Variants in FBXO11 observed in about 807,000 individuals in gnomAD.
The protein encoded by FBXO11 is F-box only protein 11.
In FBXO11, 13 loss-of-function variants were observed where a neutral mutation model predicts 117.0. The ratio of observed to expected loss-of-function variants is 0.11; its 90% CI spans 0.07 to 0.18. FBXO11 has a LOEUF of 0.18. FBXO11 is among the 10% of genes least tolerant of loss of function. The pLI, the probability that FBXO11 is intolerant of heterozygous loss-of-function variation, is 1.00. For synonymous variants in FBXO11, 490 were observed against 380.5 expected, an observed-to-expected ratio of 1.29 and a Z score of -3.35; for missense variants, 767 against 1,164.4, an observed-to-expected ratio of 0.66 and a Z score of 4.97.
intron 11 of FBXO11, among the ~76,000 whole-genome samples, chr2:47,827,283 A>C (rs955767820): frequency 6.6e-6 from 1 of 152,156 alleles, no homozygotes; most frequent in Non-Finnish European, 1.5e-5. Context: ...GATTCAGTTA[A>C]TGTAATTTTG....
At chr2:47,868,282 C>CAA (rs371849610) in intron 1 of FBXO11, among the ~76,000 whole-genome samples, 1,197 of 80,422 alleles carry the variant, frequency 0.015, 15 homozygotes, top group Middle Eastern at 0.028. Flanking sequence ...ACTCTACCTC[C>CAA]AAAAAAAAAA....
chr2:47,879,085 G>A (rs761889309), intron 1 of FBXO11, among the ~76,000 whole-genome samples: 20 of 152,082 alleles, frequency 1.3e-4, no homozygotes, highest in Non-Finnish European at 2.4e-4. Context: ...GTTTGTGAGT[G>A]TAAAAAAAAT....
intron 18 of FBXO11, among the ~76,000 whole-genome samples, chr2:47,812,633 T>C (rs1036859294): frequency 6.6e-6 from 1 of 152,234 alleles, no homozygotes; most frequent in African/African-American, 2.4e-5. Flanking sequence ...AGCTATTCTA[T>C]GTAAGATATG....
At chr2:47,904,581 AACACACACACACACACACAC>A (rs112758707) in intron 1 of FBXO11, among the ~76,000 whole-genome samples, 159 of 147,688 alleles carry the variant, frequency 1.1e-3, no homozygotes, top group Non-Finnish European at 1.7e-3. Flanking sequence ...CGCGCGCGCA[AACACACACACACACACACAC>A]ACACACACAC....
At chr2:47,901,303 T>C (rs1678284762) in intron 1 of FBXO11, among the ~76,000 whole-genome samples, 1 of 151,586 alleles carries the variant, frequency 6.6e-6, no homozygotes, top group Admixed American at 6.6e-5. Flanking sequence ...AATCTATTAA[T>C]GCATTCATTA....
chr2:47,844,809 G>T (rs1417812411), intron 1 of FBXO11, among the ~76,000 whole-genome samples: 2 of 152,058 alleles, frequency 1.3e-5, no homozygotes, highest in East Asian at 3.9e-4. Context: ...GCTAATTTTT[G>T]TATTTCTGTA....
chr2:47,848,185 T>G (rs1192078700), intron 1 of FBXO11, among the ~76,000 whole-genome samples: 1 of 151,528 alleles, frequency 6.6e-6, no homozygotes, highest in Admixed American at 6.6e-5. Context: ...TATCTTTCAC[T>G]AAACCTTTAT....
chr2:47,860,883 G>A (rs1674717584), intron 1 of FBXO11, among the ~76,000 whole-genome samples: 2 of 125,398 alleles, frequency 1.6e-5, no homozygotes, highest in Admixed American at 9.8e-5. Flanking sequence ...TTTCACTCTC[G>A]TTGCCCAGGC....
intron 1 of FBXO11, among the ~76,000 whole-genome samples, chr2:47,884,182 G>A (rs1676644382): frequency 6.6e-6 from 1 of 152,168 alleles, no homozygotes; most frequent in Non-Finnish European, 1.5e-5. Context: ...TTGTGCCATT[G>A]CACTCCAGCC....
intron 1 of FBXO11, among the ~76,000 whole-genome samples, chr2:47,892,778 A>C (rs1048773778): frequency 6.6e-6 from 1 of 152,226 alleles, no homozygotes; most frequent in African/African-American, 2.4e-5. Context: ...AGCCAAAACA[A>C]TGAATATAAT....
At chr2:47,892,976 A>C (rs1482183696) in intron 1 of FBXO11, among the ~76,000 whole-genome samples, 1 of 152,080 alleles carries the variant, frequency 6.6e-6, no homozygotes, top group Non-Finnish European at 1.5e-5. Flanking sequence ...CACATGGTGA[A>C]ACCCTGTCTC....
At chr2:47,852,626 CTT>C (rs1446907819) in intron 1 of FBXO11, among the ~76,000 whole-genome samples, 1 of 152,072 alleles carries the variant, frequency 6.6e-6, no homozygotes, top group African/African-American at 2.4e-5. Flanking sequence ...ATTTGGGTGT[CTT>C]TTAAAACTTT....
At chr2:47,833,279 A>G (rs370106432) in intron 7 of FBXO11, among the ~76,000 whole-genome samples, 91 of 152,364 alleles carry the variant, frequency 6.0e-4, no homozygotes, top group African/African-American at 2.1e-3. Context: ...AATACTATGA[A>G]TATAAAATGC....
chr2:47,820,344 C>G lies in FBXO11; in HGVS notation c.1797+18G>C, dbSNP rs1381754735. The G allele has an allele frequency of 6.3e-7, 1 of 1,599,704 alleles. No individual in the cohort carries two copies. The highest frequency in any genetic ancestry group is 1.7e-5 in the Admixed American group (1 of 59,950). ...TTTTGATGCATGAGTTTATAGGGAA[C>G]TATATACATTAACTTACCACATAAA... On this transcript the variant is annotated intron_variant, in intron 14 of 22. Coordinates refer to ENST00000403359, the MANE Select transcript of FBXO11 (RefSeq NM_001190274.2).
chr2:47,899,570 A>G (rs1211472634), intron 1 of FBXO11, among the ~76,000 whole-genome samples: 1 of 152,202 alleles, frequency 6.6e-6, no homozygotes, highest in African/African-American at 2.4e-5. Context: ...TTAAATAACT[A>G]ATCAGATGTG....
intron 1 of FBXO11, among the ~76,000 whole-genome samples, chr2:47,868,411 C>T (rs963413516): frequency 6.6e-6 from 1 of 151,944 alleles, no homozygotes; most frequent in Non-Finnish European, 1.5e-5. Flanking sequence ...TTTTAACATT[C>T]ACTGTCATGA....
Position 47,834,730 on chromosome 2 carries a change from G to A in FBXO11, c.802-19C>T, listed in dbSNP as rs754540816. On this transcript the variant is annotated intron_variant, in intron 6 of 22. Coordinates refer to ENST00000403359, the MANE Select transcript of FBXO11 (RefSeq NM_001190274.2). ...CATAATACTAGAAAAAAATAAATGT[G>A]TCAGTACAGAACTGAAAGATTACCA... 6.2e-6 allele frequency: 10 copies of A among 1,608,220 alleles called. No homozygotes were observed. Among genetic ancestry groups the A allele is most frequent in the Non-Finnish European group, 8.5e-6 (10 of 1,178,022 alleles).
intron 1 of FBXO11, among the ~76,000 whole-genome samples, chr2:47,845,899 AC>A (rs1191665976): frequency 1.3e-5 from 2 of 151,726 alleles, no homozygotes; most frequent in African/African-American, 4.8e-5. Flanking sequence ...AAAAAAAAAA[AC>A]CAAACAAGAA....
At position 47,860,749 on chromosome 2, in the gene FBXO11, C is replaced by A. The variant is rs532760991; in HGVS notation, c.233-20980G>T. Among the ~76,000 whole-genome samples, 33 of 149,776 alleles carry A rather than the reference C, an allele frequency of 2.2e-4. 1 individual carries two copies. The highest frequency in any genetic ancestry group is 8.1e-4 in the African/African-American group (33 of 40,596). On this transcript the variant is annotated intron_variant, in intron 1 of 22. Transcript: ENST00000403359. The stretch of plus-strand genomic sequence containing the variant: ...TAAGGCTAATCAAAACTTTTCCCTG[C>A]AGGAGAGAGAGAGAAAGAAAGTCAA...
Sources: allele counts gnomAD v4.1 joint callset (sites outside exome capture counted in the v4.1 genomes callset), GRCh38; gene constraint gnomAD v4.1.1; transcripts MANE v1.5; gene names NCBI Gene and HGNC (gene_info 2026-07-23, HGNC 2026-07-21).